The following SIK2 variants were observed in gnomAD, a reference collection of about 807,000 sequenced individuals.
SIK2 encodes serine/threonine-protein kinase SIK2.
In SIK2, 29 loss-of-function variants were observed where a neutral mutation model predicts 103.2. The observed-to-expected ratio is 0.28, with a 90% CI of 0.21 to 0.38. SIK2 has a LOEUF of 0.38. Ranked by LOEUF, SIK2 falls within the 10% of genes least tolerant of loss-of-function variation. The pLI is 1.00. For missense variants in SIK2, 879 were observed against 1,171.0 expected (o/e 0.75, Z 3.64); for synonymous variants, 412 against 446.1 (o/e 0.92, Z 0.96).
rs536934744 is a variant in SIK2, at chr11:111,728,867, T to G, written c.*4738T>G. The G allele has an allele frequency of 6.8e-6, 1 of 146,052 alleles. No individual in the cohort carries two copies. Among genetic ancestry groups the G allele is most frequent in the African/African-American group, 2.6e-5 (1 of 39,056 alleles). The allele number at this position is 146,052 out of a possible 1,614,324, so 9.0% of individuals were successfully genotyped here. On this transcript the variant is annotated 3_prime_UTR_variant, in exon 15 of 15. Transcript: ENST00000304987. ...TGAACCCGGGAGGTGGAGCTTGCAG[T>G]GAGCCAAGATCGTGCCACTGCACTC...
chr11:111,624,915 G>A (rs531599825), intron 3 of SIK2, among the ~76,000 whole-genome samples: 7 of 152,156 alleles, frequency 4.6e-5, no homozygotes, highest in Non-Finnish European at 8.8e-5. Flanking sequence ...CAGTCATGTC[G>A]ATATGGTAGA....
intron 3 of SIK2, among the ~76,000 whole-genome samples, chr11:111,675,680 T>C (rs1195324192): frequency 1.3e-5 from 2 of 152,248 alleles, no homozygotes; most frequent in East Asian, 1.9e-4. Context: ...AAAAGCTTCA[T>C]TGAAAAATTG....
At chr11:111,674,011 T>A (rs573516972) in intron 3 of SIK2, among the ~76,000 whole-genome samples, 250 of 148,328 alleles carry the variant, frequency 1.7e-3, no homozygotes, top group Non-Finnish European at 3.0e-3. Flanking sequence ...GAGACGGAGG[T>A]TGCAGTGAGC....
At chr11:111,640,722 A>ATTTTTTTTTT (rs58052684) in intron 3 of SIK2, among the ~76,000 whole-genome samples, 1 of 65,944 alleles carries the variant, frequency 1.5e-5, no homozygotes, top group African/African-American at 7.5e-5. Context: ...GAAACAGGCA[A>ATTTTTTTTTT]TTTTTTTTTT....
At chr11:111,661,357 A>G (rs1348568242) in intron 3 of SIK2, among the ~76,000 whole-genome samples, 1 of 152,186 alleles carries the variant, frequency 6.6e-6, no homozygotes, top group Admixed American at 6.5e-5. Flanking sequence ...GGGAAAAGAA[A>G]AGGAAGCAGG....
intron 1 of SIK2, among the ~76,000 whole-genome samples, chr11:111,604,289 T>G (rs1260701697): frequency 6.6e-6 from 1 of 152,294 alleles, no homozygotes; most frequent in Non-Finnish European, 1.5e-5. Flanking sequence ...GCATGTTTTA[T>G]GAGTCCTTGC....
At position 111,727,257 on chromosome 11, in the gene SIK2, G is replaced by T. The variant is rs1565406892; in HGVS notation, c.*3128G>T. Reference sequence around the variant, plus strand: ...TGGGAGAGCATCAGGGCCCACCAGGGGAGTGGGGATGGGGCTCAGGGGCTG... The same window carrying T: ...TGGGAGAGCATCAGGGCCCACCAGGTGAGTGGGGATGGGGCTCAGGGGCTG... On this transcript the variant is annotated 3_prime_UTR_variant, in exon 15 of 15. Transcript: ENST00000304987. The T allele has an allele frequency of 5.0e-6, 3 of 597,626 alleles. No homozygotes were observed. The highest frequency in any genetic ancestry group is 1.9e-5 in the African/African-American group (1 of 53,964). The allele number at this position is 597,626 out of a possible 1,614,324, so 37.0% of individuals were successfully genotyped here. A position where few individuals can be genotyped will look rare whatever the true frequency, so the allele number is the denominator to read the frequency against.
intron 3 of SIK2, among the ~76,000 whole-genome samples, chr11:111,687,447 G>A (rs183531924): frequency 9.6e-4 from 145 of 150,978 alleles, no homozygotes; most frequent in African/African-American, 3.3e-3. Flanking sequence ...CCTGGGAGGT[G>A]GAGGTTACAG....
chr11:111,720,563 C>G lies in SIK2; in HGVS notation c.1581C>G (p.Asn527Lys), dbSNP rs1943770210. ...TGGGGTCTGTTCAGAGGGACCTGAA[C>G]TTTCTGGAAGACAACCCTTCCCTTA... ...YDMGSVQRDL[N>K]FLEDNPSLKD... The change falls in exon 11 of 15, where the codon AAC becomes AAG. Residue 527 changes from asparagine (N) to lysine (K), a missense_variant. Coordinates refer to ENST00000304987, the MANE Select transcript of SIK2 (RefSeq NM_015191.3). 2 of 1,614,042 alleles carry G rather than the reference C, an allele frequency of 1.2e-6. No homozygotes were observed. The highest frequency in any genetic ancestry group is 2.7e-5 in the African/African-American group (2 of 74,922).
chr11:111,671,203 C>A, intron 3 of SIK2: 1 of 260,984 alleles, frequency 3.8e-6, no homozygotes, highest in South Asian at 4.8e-5. Context: ...AGACTCCAGC[C>A]AGCTTTCCTT....
At chr11:111,711,771 G>A (rs111881192) in intron 8 of SIK2, among the ~76,000 whole-genome samples, 1,688 of 152,272 alleles carry the variant, frequency 0.011, 24 homozygotes, top group African/African-American at 0.038. Flanking sequence ...TGACTCCAGC[G>A]TCCCTTGTGT....
intron 3 of SIK2, chr11:111,672,337 C>T: frequency 2.1e-6 from 1 of 471,208 alleles, no homozygotes; most frequent in South Asian, 3.8e-5. Flanking sequence ...CGTGGAGGAG[C>T]AGCTGCTGAA....
At chr11:111,617,254 C>T (rs1258011816) in intron 2 of SIK2, among the ~76,000 whole-genome samples, 1 of 152,044 alleles carries the variant, frequency 6.6e-6, no homozygotes, top group Non-Finnish European at 1.5e-5. Context: ...CACCAACCAG[C>T]CATGGTTTTT....
intron 4 of SIK2, 152 bp from the exon 5 acceptor site, chr11:111,700,734 C>A: frequency 1.0e-5 from 9 of 873,802 alleles, no homozygotes; most frequent in Non-Finnish European, 1.5e-5. Context: ...TGTGCTAATG[C>A]CAGGGAAACA....
At chr11:111,626,375 T>TC (rs1054394232) in intron 3 of SIK2, among the ~76,000 whole-genome samples, 1 of 142,154 alleles carries the variant, frequency 7.0e-6, no homozygotes, top group Admixed American at 7.0e-5. Context: ...ACTCATGATC[T>TC]TTTTTTTTTT....
At chr11:111,718,214 T>G (rs1341201702) in intron 9 of SIK2, among the ~76,000 whole-genome samples, 2 of 152,272 alleles carry the variant, frequency 1.3e-5, no homozygotes, top group African/African-American at 4.8e-5. Context: ...CTTATTCATT[T>G]CTAAACCATT....
At chr11:111,609,083 AGTT>A (rs1474727299) in intron 1 of SIK2, among the ~76,000 whole-genome samples, 1 of 148,932 alleles carries the variant, frequency 6.7e-6, no homozygotes, top group Non-Finnish European at 1.5e-5. Context: ...TACTTTGTAC[AGTT>A]TTATATGATG....
intron 4 of SIK2, among the ~76,000 whole-genome samples, chr11:111,692,228 G>C (rs992790541): frequency 5.3e-5 from 8 of 151,852 alleles, no homozygotes; most frequent in African/African-American, 1.4e-4. Flanking sequence ...GCATGCGCCT[G>C]TAGTCCCAGC....
At chr11:111,659,434 GA>G (rs1478598691) in intron 3 of SIK2, among the ~76,000 whole-genome samples, 4 of 152,204 alleles carry the variant, frequency 2.6e-5, no homozygotes, top group Non-Finnish European at 5.9e-5. Context: ...TCAAGGATAG[GA>G]AGTGCAGCTT....
Sources: gnomAD v4.1 joint callset for allele counts (sites outside exome capture counted in the v4.1 genomes callset) on GRCh38, gnomAD v4.1.1 for gene constraint, MANE v1.5 for transcripts, NCBI Gene and HGNC (gene_info 2026-07-23, HGNC 2026-07-21) for gene names.